ASTN2: variants seen among roughly 807,000 people sequenced by gnomAD.
ASTN2 encodes the protein astrotactin-2.
ASTN2 carries 54 observed loss-of-function variants against 139.8 expected under a neutral mutation model. The observed-to-expected ratio is 0.39, with a 90% CI of 0.31 to 0.48. ASTN2 has a LOEUF of 0.48. Ranked by LOEUF, ASTN2 falls within the 20% of genes least tolerant of loss-of-function variation. The probability of loss-of-function intolerance (pLI) is 0.95; values close to 1 mark genes in which losing one functional copy is unlikely to be tolerated. For missense variants in ASTN2, 1,565 were observed against 1,725.1 expected (o/e 0.91, Z 1.64); for synonymous variants, 756 against 719.5 (o/e 1.05, Z -0.81).
At chr9:117,338,298 A>G (rs1828951770) in intron 1 of ASTN2, among the ~76,000 whole-genome samples, 1 of 151,942 alleles carries the variant, frequency 6.6e-6, no homozygotes, top group South Asian at 2.1e-4. Flanking sequence ...GTCTCCCCCA[A>G]CCTTTTAATC....
chr9:116,697,947 C>T lies in ASTN2; in HGVS notation c.2806+27824G>A, dbSNP rs749689590. 8.1e-6 allele frequency: 13 copies of T among 1,614,184 alleles called. No homozygotes were observed. The highest frequency in any genetic ancestry group is 4.4e-5 in the South Asian group (4 of 91,082). Reference sequence around the variant, plus strand: ...CTGTCCCTTTTGCAGCAAGATTACCCGCATAACCAGCTTGACCCAGCTGAC... The same window carrying T: ...CTGTCCCTTTTGCAGCAAGATTACCTGCATAACCAGCTTGACCCAGCTGAC... On this transcript the variant is annotated intron_variant, in intron 16 of 22. Coordinates refer to ENST00000313400, the MANE Select transcript of ASTN2 (RefSeq NM_001365068.1).
At chr9:117,065,406 T>C (rs1324380639) in intron 5 of ASTN2, among the ~76,000 whole-genome samples, 2 of 152,182 alleles carry the variant, frequency 1.3e-5, no homozygotes, top group African/African-American at 2.4e-5. Context: ...TCAGTATTAG[T>C]ATAGCCTCCA....
chr9:116,567,548 T>A (rs1214519936), intron 19 of ASTN2, among the ~76,000 whole-genome samples: 4 of 151,916 alleles, frequency 2.6e-5, no homozygotes, highest in Non-Finnish European at 4.4e-5. Flanking sequence ...CTCTGCCAGA[T>A]GGGGAATAGT....
chr9:117,322,940 G>A (rs1828380757), intron 1 of ASTN2, among the ~76,000 whole-genome samples: 1 of 152,138 alleles, frequency 6.6e-6, no homozygotes, highest in African/African-American at 2.4e-5. Context: ...GACCTTCGGG[G>A]CTGAAATAAG....
intron 4 of ASTN2, among the ~76,000 whole-genome samples, chr9:117,139,369 T>G (rs987839515): frequency 2.2e-4 from 33 of 152,212 alleles, no homozygotes; most frequent in African/African-American, 8.0e-4. Flanking sequence ...GGAGAACCAA[T>G]GATACTTCCA....
At chr9:116,901,090 T>TTG (rs59919446) in intron 10 of ASTN2, among the ~76,000 whole-genome samples, 85,442 of 149,544 alleles carry the variant, frequency 0.57, 27,048 homozygotes, top group Non-Finnish European at 0.71. Flanking sequence ...CGGCTACTGA[T>TTG]TGTGTGTGTG....
intron 2 of ASTN2, among the ~76,000 whole-genome samples, chr9:117,261,926 G>C (rs1833831315): frequency 6.6e-6 from 1 of 152,226 alleles, no homozygotes; most frequent in Non-Finnish European, 1.5e-5. Flanking sequence ...CAAAGACTGT[G>C]ATAGAATCTA....
intron 10 of ASTN2, among the ~76,000 whole-genome samples, chr9:116,904,566 G>A (rs148499364): frequency 0.013 from 1,998 of 152,260 alleles, 20 homozygotes; most frequent in Non-Finnish European, 0.022. Context: ...TGTAAAAGAG[G>A]AATAATGAGG....
At chr9:117,359,119 A>T (rs962499645) in intron 1 of ASTN2, among the ~76,000 whole-genome samples, 2 of 152,188 alleles carry the variant, frequency 1.3e-5, no homozygotes, top group African/African-American at 4.8e-5. Context: ...TGTGAAAAGG[A>T]TCAAACTTGT....
chr9:117,399,457 C>G (rs895769394), intron 1 of ASTN2, among the ~76,000 whole-genome samples: 1 of 152,038 alleles, frequency 6.6e-6, no homozygotes, highest in Non-Finnish European at 1.5e-5. Context: ...GTGCTTGGGT[C>G]GATCAACATT....
intron 22 of ASTN2, among the ~76,000 whole-genome samples, chr9:116,427,951 T>C (rs1318623782): frequency 1.3e-5 from 2 of 152,258 alleles, no homozygotes; most frequent in Non-Finnish European, 2.9e-5. Context: ...TAAATCTGTT[T>C]CTTCATTTGA....
chr9:116,724,835 C>A (rs1588241446), intron 16 of ASTN2, among the ~76,000 whole-genome samples: 1 of 152,252 alleles, frequency 6.6e-6, no homozygotes, highest in East Asian at 1.9e-4. Context: ...TTAACTATAT[C>A]AAGAAGCATT....
chr9:117,265,387 A>G (rs1389181441), intron 2 of ASTN2, among the ~76,000 whole-genome samples: 1 of 152,164 alleles, frequency 6.6e-6, no homozygotes, highest in African/African-American at 2.4e-5. Context: ...ATCAGCAGTT[A>G]AGGACTGTGC....
intron 2 of ASTN2, among the ~76,000 whole-genome samples, chr9:117,219,040 G>A (rs967637421): frequency 2.0e-5 from 3 of 152,182 alleles, no homozygotes; most frequent in Non-Finnish European, 2.9e-5. Flanking sequence ...TCTGAAAACA[G>A]CTGTGATATC....
chr9:116,650,032 G>A lies in ASTN2; in HGVS notation c.3072+1496C>T, dbSNP rs544195938. Among the ~76,000 whole-genome samples, 6 of 152,140 alleles carry A rather than the reference G, an allele frequency of 3.9e-5. No homozygotes were observed. In the South Asian group the frequency reaches 1.2e-3, roughly 32 times the overall value. On this transcript the variant is annotated intron_variant, in intron 17 of 22. Transcript: ENST00000313400. ...CTCCCATGCCTTCTCTTTCCTCTAT[G>A]AAGCTCTGTATGAGCACTCAACACC...
intron 5 of ASTN2, among the ~76,000 whole-genome samples, chr9:117,041,052 AC>A: frequency 6.6e-6 from 1 of 152,300 alleles, no homozygotes; most frequent in African/African-American, 2.4e-5. Context: ...GGCAGAGAGT[AC>A]GGGGGGTGGT....
chr9:116,778,265 T>G (rs1830134017), intron 13 of ASTN2, among the ~76,000 whole-genome samples: 1 of 152,088 alleles, frequency 6.6e-6, no homozygotes, highest in African/African-American at 2.4e-5. Flanking sequence ...GTTCAAGAAC[T>G]GACTCTGGAA....
intron 5 of ASTN2, among the ~76,000 whole-genome samples, chr9:117,081,770 A>C (rs774596576): frequency 5.5e-4 from 84 of 152,258 alleles, no homozygotes; most frequent in Non-Finnish European, 9.9e-4. Flanking sequence ...CAGGGGAGAC[A>C]TGTGGCAAGG....
At chr9:116,659,086 G>T (rs922714812) in intron 16 of ASTN2, among the ~76,000 whole-genome samples, 5 of 152,156 alleles carry the variant, frequency 3.3e-5, no homozygotes, top group African/African-American at 1.2e-4. Flanking sequence ...ATATACTTTT[G>T]AGCATACTTG....
Sources: allele counts gnomAD v4.1 joint callset (sites outside exome capture counted in the v4.1 genomes callset), GRCh38; gene constraint gnomAD v4.1.1; transcripts MANE v1.5; gene names NCBI Gene and HGNC (gene_info 2026-07-23, HGNC 2026-07-21).